Variants in NME7 observed in about 807,000 individuals in gnomAD.
NME7 encodes the protein NME/NM23 family member 7.
Under a neutral mutation model 49.1 loss-of-function variants are expected in NME7, and 41 were observed. That is an observed-to-expected ratio of 0.83 (90% CI 0.65 to 1.08). The LOEUF (loss-of-function observed/expected upper bound fraction) is 1.08, where lower values mean the gene tolerates loss of function less well. Ranked by LOEUF, NME7 falls within the 50% of genes least tolerant of loss-of-function variation. The probability of loss-of-function intolerance (pLI) is 0.00; values close to 1 mark genes in which losing one functional copy is unlikely to be tolerated. For missense variants in NME7, 423 were observed against 463.4 expected, an observed-to-expected ratio of 0.91 and a Z score of 0.80; for synonymous variants, 139 against 150.6, an observed-to-expected ratio of 0.92 and a Z score of 0.56.
intron 1 of NME7, among the ~76,000 whole-genome samples, chr1:169,338,733 A>G (rs1299856162): frequency 6.6e-6 from 1 of 152,210 alleles, no homozygotes; most frequent in African/African-American, 2.4e-5. Flanking sequence ...GACCAACCCC[A>G]GCCAATGTAT....
At position 169,345,952 on chromosome 1, in the gene NME7, T is replaced by G. The variant is rs550802134; in HGVS notation, c.4-21452A>C. On this transcript the variant is annotated intron_variant, in intron 1 of 11. Coordinates refer to ENST00000367811, the MANE Select transcript of NME7 (RefSeq NM_013330.5). ...CATTGCTCAGGACAAAATCCTAGGGTCATCTTTTAACTCTATCCTTGACTC... is the reference window on the plus strand; with the variant it reads ...CATTGCTCAGGACAAAATCCTAGGGGCATCTTTTAACTCTATCCTTGACTC... Among the ~76,000 whole-genome samples the G allele has an allele frequency of 8.8e-4, 134 of 152,230 alleles. 1 individual carries two copies. The highest frequency in any genetic ancestry group is 3.2e-3 in the African/African-American group (131 of 41,522).
chr1:169,347,588 A>G (rs903914903), intron 1 of NME7, among the ~76,000 whole-genome samples: 1 of 152,172 alleles, frequency 6.6e-6, no homozygotes, highest in Non-Finnish European at 1.5e-5. Context: ...GTACTTTTAT[A>G]TCACCTTCTC....
intron 11 of NME7, among the ~76,000 whole-genome samples, chr1:169,136,461 C>T (rs1557957164): frequency 6.6e-6 from 1 of 152,178 alleles, no homozygotes; most frequent in East Asian, 1.9e-4. Context: ...TCCTGAGCCA[C>T]CTGCTATGTA....
At chr1:169,139,947 T>G (rs1658541180) in intron 11 of NME7, among the ~76,000 whole-genome samples, 2 of 152,160 alleles carry the variant, frequency 1.3e-5, no homozygotes, top group Admixed American at 1.3e-4. Flanking sequence ...AAGACATTTG[T>G]GGGTAAAAAA....
chr1:169,173,745 C>T (rs1659670642), intron 10 of NME7, among the ~76,000 whole-genome samples: 1 of 152,116 alleles, frequency 6.6e-6, no homozygotes. Context: ...AACAGATTTA[C>T]ATTCCTCTTG....
intron 10 of NME7, among the ~76,000 whole-genome samples, chr1:169,175,934 C>G (rs1254908319): frequency 6.6e-6 from 1 of 152,124 alleles, no homozygotes; most frequent in African/African-American, 2.4e-5. Context: ...GAGGGGACCA[C>G]TATAACTAAA....
chr1:169,147,009 T>G (rs12082748), intron 11 of NME7, among the ~76,000 whole-genome samples: 6,253 of 152,224 alleles, frequency 0.041, 206 homozygotes, highest in East Asian at 0.13. Context: ...CACAGTGAAA[T>G]CACAGTGAGA....
intron 4 of NME7, among the ~76,000 whole-genome samples, chr1:169,307,162 G>A (rs769657296): frequency 2.6e-5 from 4 of 152,160 alleles, no homozygotes; most frequent in Non-Finnish European, 4.4e-5. Flanking sequence ...ACGCTATATC[G>A]TGACCCTGTG....
intron 11 of NME7, among the ~76,000 whole-genome samples, chr1:169,149,970 G>T (rs1244170355): frequency 6.6e-6 from 1 of 152,110 alleles, no homozygotes; most frequent in East Asian, 1.9e-4. Context: ...TTATGACTTT[G>T]GGTCCCTTCA....
intron 10 of NME7, among the ~76,000 whole-genome samples, chr1:169,214,246 GAA>G (rs907338350): frequency 1.3e-5 from 2 of 152,236 alleles, no homozygotes; most frequent in Admixed American, 6.5e-5. Flanking sequence ...AGACATCCAA[GAA>G]AAAAGTCTCA....
chr1:169,234,615 T>C (rs887278903), intron 9 of NME7, among the ~76,000 whole-genome samples: 1 of 152,144 alleles, frequency 6.6e-6, no homozygotes, highest in Non-Finnish European at 1.5e-5. Flanking sequence ...ATAGCATTAT[T>C]CCCATTTTAT....
At position 169,273,760 on chromosome 1, in the gene NME7, T is replaced by C. The variant is rs1040939537; in HGVS notation, c.754+13543A>G. ...GTTTACTGAGAATGATGATTTCCAA[T>C]TTCATCCATGTCCCTACAAAGGACA... On this transcript the variant is annotated intron_variant, in intron 7 of 11. Coordinates refer to ENST00000367811, the MANE Select transcript of NME7 (RefSeq NM_013330.5). Among the ~76,000 whole-genome samples the C allele has an allele frequency of 3.2e-5, 4 of 123,214 alleles. No homozygotes were observed. In the Admixed American group the frequency reaches 3.3e-4, roughly 10 times the overall value. The allele number at this position is 123,214 out of a possible 152,430, so 80.8% of individuals were successfully genotyped here. A position where few individuals can be genotyped will look rare whatever the true frequency, so the allele number is the denominator to read the frequency against.
At chr1:169,298,798 T>A in intron 5 of NME7, 35 bp from the exon 6 acceptor site, 1 of 1,563,792 alleles carries the variant, frequency 6.4e-7, no homozygotes, top group Non-Finnish European at 8.8e-7. Context: ...TTGCTTCTTT[T>A]TTCTGTCAAC....
intron 1 of NME7, among the ~76,000 whole-genome samples, chr1:169,335,873 G>A (rs978463027): frequency 1.3e-5 from 2 of 151,564 alleles, no homozygotes; most frequent in East Asian, 3.9e-4. Context: ...CAGTAAGGGT[G>A]AGTGAAAAGT....
chr1:169,322,508 T>G (rs1471418616), intron 3 of NME7: 1 of 152,140 alleles, frequency 6.6e-6, no homozygotes, highest in African/African-American at 2.4e-5. Flanking sequence ...TGTGAATAAT[T>G]TACTGTTTGA....
intron 1 of NME7, among the ~76,000 whole-genome samples, chr1:169,352,610 A>G (rs559478856): frequency 2.0e-5 from 3 of 152,230 alleles, no homozygotes; most frequent in Admixed American, 6.5e-5. Flanking sequence ...CCAAATTGGA[A>G]AGGAAGAAGT....
chr1:169,296,829 G>T (rs1291951271), intron 6 of NME7, among the ~76,000 whole-genome samples: 1 of 151,840 alleles, frequency 6.6e-6, no homozygotes, highest in Non-Finnish European at 1.5e-5. Flanking sequence ...TTGTTTATTT[G>T]ACCTTCAACC....
chr1:169,293,087 G>A (rs534048424), intron 6 of NME7, among the ~76,000 whole-genome samples: 4 of 151,980 alleles, frequency 2.6e-5, no homozygotes, highest in African/African-American at 9.7e-5. Flanking sequence ...TGGAGACCAG[G>A]AGTTTGAGAC....
intron 10 of NME7, among the ~76,000 whole-genome samples, chr1:169,185,583 C>G (rs1660042738): frequency 6.6e-6 from 1 of 152,116 alleles, no homozygotes; most frequent in African/African-American, 2.4e-5. Flanking sequence ...AACTCTAAGA[C>G]TCTAGAAAAA....
Sources: allele counts gnomAD v4.1 joint callset (sites outside exome capture counted in the v4.1 genomes callset), GRCh38; gene constraint gnomAD v4.1.1; transcripts MANE v1.5; gene names NCBI Gene and HGNC (gene_info 2026-07-23, HGNC 2026-07-21).